Variants in TMEM232 observed in about 807,000 individuals in gnomAD.
TMEM232 encodes transmembrane protein 232.
Under a neutral mutation model 78.8 loss-of-function variants are expected in TMEM232, and 80 were observed. The observed-to-expected ratio is 1.01, with a 90% CI of 0.85 to 1.22. The LOEUF is 1.22. Among genes scored for constraint, TMEM232 ranks in the 50% most tolerant of loss-of-function variants. The pLI is 0.00. For synonymous variants in TMEM232, 297 were observed against 254.3 expected, an observed-to-expected ratio of 1.17 and a Z score of -1.60; for missense variants, 881 against 742.2, an observed-to-expected ratio of 1.19 and a Z score of -2.17.
At chr5:110,716,584 T>C (rs1381333186) in intron 1 of TMEM232, among the ~76,000 whole-genome samples, 1 of 152,152 alleles carries the variant, frequency 6.6e-6, no homozygotes, top group Non-Finnish European at 1.5e-5. Flanking sequence ...GCTGCTGATC[T>C]GACAGGAGGT....
intron 10 of TMEM232, among the ~76,000 whole-genome samples, chr5:110,596,543 TG>T (rs1780192068): frequency 6.6e-6 from 1 of 152,094 alleles, no homozygotes; most frequent in Non-Finnish European, 1.5e-5. Flanking sequence ...ATACCAAAGC[TG>T]GGCAGAGACA....
At chr5:110,590,884 A>C (rs1019644086) in intron 10 of TMEM232, among the ~76,000 whole-genome samples, 1 of 152,110 alleles carries the variant, frequency 6.6e-6, no homozygotes, top group African/African-American at 2.4e-5. Context: ...TTCCAAACAC[A>C]TATAAAACCA....
chr5:110,683,919 C>T (rs182072425), intron 1 of TMEM232, among the ~76,000 whole-genome samples: 1 of 151,914 alleles, frequency 6.6e-6, no homozygotes, highest in East Asian at 1.9e-4. Context: ...TTTTACAGAC[C>T]ATAACATTGG....
At chr5:110,399,649 G>A (rs1419242302) in intron 2 of TMEM232, among the ~76,000 whole-genome samples, 1 of 152,026 alleles carries the variant, frequency 6.6e-6, no homozygotes, top group Non-Finnish European at 1.5e-5. Context: ...CCCAGCCAGT[G>A]CTCTTTTTTT....
intron 12 of TMEM232, among the ~76,000 whole-genome samples, chr5:110,520,757 A>G (rs1769383106): frequency 6.6e-6 from 1 of 152,198 alleles, no homozygotes; most frequent in Admixed American, 6.5e-5. Context: ...CATCTCTACT[A>G]AAAATACAAA....
chr5:110,637,215 A>C (rs1785969210), intron 5 of TMEM232, among the ~76,000 whole-genome samples: 1 of 151,418 alleles, frequency 6.6e-6, no homozygotes. Context: ...AAAGAAAAAA[A>C]ATCATCATAA....
At position 110,568,452 on chromosome 5, in the gene TMEM232, C is replaced by A. The variant is rs1364104586; in HGVS notation, c.1450G>T (p.Ala484Ser). Residue 484 changes from alanine to serine, a missense_variant, in exon 11 of 14, where the codon GCT becomes TCT. Transcript: ENST00000455884. ...TGCCCAGTGTTTTACCTTACCTGAGCTATATTGATTGCATTTTGGATTCGT... is the reference window on the plus strand; with the variant it reads ...TGCCCAGTGTTTTACCTTACCTGAGATATATTGATTGCATTTTGGATTCGT... ...DVRIQNAINI[A>S]QAELNDPTDP... is the part of the protein sequence containing the mutation. 10 of 1,544,490 alleles carry A rather than the reference C, an allele frequency of 6.5e-6. No individual in the cohort carries two copies. Among genetic ancestry groups the A allele is most frequent in the Non-Finnish European group, 7.0e-6 (8 of 1,144,150 alleles).
chr5:110,732,853 T>C (rs1046270995), intron 2 of TMEM232, among the ~76,000 whole-genome samples: 6 of 152,064 alleles, frequency 3.9e-5, no homozygotes, highest in African/African-American at 1.4e-4. Flanking sequence ...GGAAAGCTAA[T>C]CAAATGTAAA....
chr5:110,478,304 AAT>A (rs1447408828), intron 12 of TMEM232, among the ~76,000 whole-genome samples: 1 of 151,928 alleles, frequency 6.6e-6, no homozygotes, highest in Non-Finnish European at 1.5e-5. Context: ...AATAACCATA[AAT>A]TTAAATTCTT....
intron 1 of TMEM232, among the ~76,000 whole-genome samples, chr5:110,670,140 G>C (rs1791163526): frequency 6.6e-6 from 1 of 152,184 alleles, no homozygotes; most frequent in Admixed American, 6.6e-5. Context: ...AGGGCAATTA[G>C]ACAGGAGAAA....
At chr5:110,627,748 C>A (rs1245570080) in intron 6 of TMEM232, 33 bp downstream of exon 6, 4 of 1,325,578 alleles carry the variant, frequency 3.0e-6, no homozygotes, top group African/African-American at 3.0e-5. Context: ...TAACATAAAA[C>A]ATTTATAAGT....
At chr5:110,666,378 T>A (rs1445307452) in intron 2 of TMEM232, among the ~76,000 whole-genome samples, 1 of 152,220 alleles carries the variant, frequency 6.6e-6, no homozygotes, top group Non-Finnish European at 1.5e-5. Flanking sequence ...ATACATTTAA[T>A]TGACTTGGTC....
chr5:110,576,891 CA>C lies in TMEM232; in HGVS notation c.1277-8267del, dbSNP rs370540174. On this transcript the variant is annotated intron_variant, in intron 10 of 13. Coordinates refer to ENST00000455884, the MANE Select transcript of TMEM232 (RefSeq NM_001039763.4). ...CTATGTACAAAAATTCACTCGATAT[CA>C]ATTAAAAACTTAACTGTAAGACCCA... Among the ~76,000 whole-genome samples, 991 of 151,932 alleles carry C rather than the reference CA, an allele frequency of 6.5e-3. 6 individuals carry two copies. Among genetic ancestry groups the C allele is most frequent in the Non-Finnish European group, 8.6e-3 (581 of 67,896 alleles).
intron 11 of TMEM232, among the ~76,000 whole-genome samples, chr5:110,567,343 A>G (rs1240630525): frequency 1.3e-5 from 2 of 151,684 alleles, no homozygotes; most frequent in African/African-American, 4.8e-5. Context: ...ATTATTAAAC[A>G]TGGTTATAGC....
chr5:110,680,559 G>A (rs1054548387), intron 1 of TMEM232, among the ~76,000 whole-genome samples: 4 of 151,930 alleles, frequency 2.6e-5, no homozygotes, highest in African/African-American at 7.3e-5. Flanking sequence ...TTTAGCTTTG[G>A]TCAAGTACAA....
intron 1 of TMEM232, among the ~76,000 whole-genome samples, chr5:110,698,989 G>A (rs1287659919): frequency 2.0e-5 from 3 of 152,038 alleles, no homozygotes; most frequent in African/African-American, 7.2e-5. Context: ...ATCTCTTAGA[G>A]GTGTTGGAAG....
intron 2 of TMEM232, among the ~76,000 whole-genome samples, chr5:110,659,309 G>C (rs1789489344): frequency 6.6e-6 from 1 of 152,012 alleles, no homozygotes; most frequent in Non-Finnish European, 1.5e-5. Context: ...GTGTCCAGCA[G>C]AAAAAGAATG....
chr5:110,732,683 G>C (rs1275913490), intron 2 of TMEM232, among the ~76,000 whole-genome samples: 20 of 152,124 alleles, frequency 1.3e-4, no homozygotes. Context: ...GTGAATTCTG[G>C]GAGATACAAT....
chr5:110,692,249 T>C (rs556536168), intron 1 of TMEM232, among the ~76,000 whole-genome samples: 1 of 152,326 alleles, frequency 6.6e-6, no homozygotes, highest in East Asian at 1.9e-4. Context: ...ACTGAGTCTG[T>C]GTTTCCCGAG....
Sources: gnomAD v4.1 joint callset for allele counts (sites outside exome capture counted in the v4.1 genomes callset) on GRCh38, gnomAD v4.1.1 for gene constraint, MANE v1.5 for transcripts, NCBI Gene and HGNC (gene_info 2026-07-23, HGNC 2026-07-21) for gene names.